The following TADA3 variants were observed in gnomAD, a reference collection of about 807,000 sequenced individuals.
TADA3 encodes transcriptional adapter 3.
TADA3 carries 25 observed loss-of-function variants against 43.2 expected under a neutral mutation model. The ratio of observed to expected loss-of-function variants is 0.58; its 90% CI spans 0.42 to 0.81. The LOEUF (loss-of-function observed/expected upper bound fraction) is 0.81, where lower values mean the gene tolerates loss of function less well. Among genes scored for constraint, TADA3 ranks in the 30% least tolerant of loss-of-function variants. The probability of loss-of-function intolerance (pLI) is 0.00; values close to 1 mark genes in which losing one functional copy is unlikely to be tolerated. For missense variants in TADA3, 441 were observed against 567.8 expected (o/e 0.78, Z 2.27); for synonymous variants, 235 against 225.5 (o/e 1.04, Z -0.38).
rs779731675 is a variant in TADA3 at position 9,787,355 on chromosome 3, G to A, written c.565-15C>T. On this transcript the variant is annotated splice_polypyrimidine_tract_variant and intron_variant, in intron 4 of 8. Coordinates refer to ENST00000301964, the MANE Select transcript of TADA3 (RefSeq NM_006354.5). ...AGGGGTGGGATCTGTGGAAAAGATGGCACCCAACCCTGAGTGGGTAAGCAC... is the reference window on the plus strand; with the variant it reads ...AGGGGTGGGATCTGTGGAAAAGATGACACCCAACCCTGAGTGGGTAAGCAC... The A allele has an allele frequency of 2.5e-6, 4 of 1,600,378 alleles. No homozygotes were observed. The highest frequency in any genetic ancestry group is 1.1e-5 in the South Asian group (1 of 89,216).
intron 8 of TADA3, 41 bp downstream of exon 8, chr3:9,783,987 C>G (rs749971106): frequency 1.9e-6 from 3 of 1,583,028 alleles, no homozygotes; most frequent in Non-Finnish European, 1.7e-6. Flanking sequence ...GCCACAGCCT[C>G]CAAGGCCACC....
chr3:9,787,098 G>A lies in TADA3; in HGVS notation c.718C>T (p.Leu240=), dbSNP rs767392208. The A allele has an allele frequency of 4.3e-6, 7 of 1,614,082 alleles. No individual in the cohort carries two copies. In the African/African-American group the frequency reaches 9.3e-5, roughly 22 times the overall value. Residue 240 remains leucine, a synonymous_variant, in exon 6 of 9, where the codon CTG becomes TTG. Transcript: ENST00000301964. ...TGCTGGGCCTCAGACTTCTTCAGCAGGGCATCCACATCTAAGCGGGCACAG... is the reference window on the plus strand; with the variant it reads ...TGCTGGGCCTCAGACTTCTTCAGCAAGGCATCCACATCTAAGCGGGCACAG... ...TELDTKDVDA[L]LKKSEAQHEQ...
At chr3:9,788,800 A>G (rs1489261764) in intron 4 of TADA3, among the ~76,000 whole-genome samples, 1 of 151,190 alleles carries the variant, frequency 6.6e-6, no homozygotes, top group Non-Finnish European at 1.5e-5. Context: ...ACAGCCTCCC[A>G]AAGTGTTGGG....
chr3:9,788,755 GTCTTGAAC>G (rs2078674388), intron 4 of TADA3, among the ~76,000 whole-genome samples: 1 of 151,670 alleles, frequency 6.6e-6, no homozygotes, highest in South Asian at 2.1e-4. Flanking sequence ...GGTCAGGCTG[GTCTTGAAC>G]TCCTGACCTC....
chr3:9,783,216 AAAG>A (rs1443007680), intron 8 of TADA3: 6 of 152,238 alleles, frequency 3.9e-5, no homozygotes, highest in African/African-American at 1.4e-4. Context: ...TTGGGGATAA[AAAG>A]AAAAGAAGCA....
At chr3:9,784,872 A>G (rs549599540) in intron 7 of TADA3, among the ~76,000 whole-genome samples, 48 of 152,134 alleles carry the variant, frequency 3.2e-4, no homozygotes, top group Non-Finnish European at 5.9e-4. Flanking sequence ...CTCAAAAAAA[A>G]AAAAAGAAAA....
Position 9,785,346 on chromosome 3 carries a change from G to A in TADA3, c.890C>T (p.Thr297Ile), listed in dbSNP as rs1559717874. Residue 297 changes from threonine (T) to isoleucine (I), a missense_variant, in exon 7 of 9, where the codon ACC becomes ATC. Coordinates refer to ENST00000301964, the MANE Select transcript of TADA3 (RefSeq NM_006354.5). ...GGGCTTGTTCTGATTGCGAGGGGAG[G>A]TGCTTGCCCCGTCAGCCCCTGATTC... is the stretch of plus-strand genomic sequence containing the variant. The part of the protein sequence containing the change: ...GKESGADGAS[T>I]SPRNQNKPFS... The A allele has an allele frequency of 6.2e-7, 1 of 1,614,038 alleles. No individual in the cohort carries two copies. The highest frequency in any genetic ancestry group is 2.2e-5 in the East Asian group (1 of 44,880).
intron 4 of TADA3, 135 bp downstream of exon 4, chr3:9,789,374 G>A (rs2078686794): frequency 5.3e-6 from 4 of 750,958 alleles, no homozygotes; most frequent in Non-Finnish European, 8.5e-6. Flanking sequence ...GGTGTCTGGA[G>A]GCACTGATGG....
At chr3:9,786,511 T>C (rs1160996947) in intron 6 of TADA3, among the ~76,000 whole-genome samples, 1 of 152,180 alleles carries the variant, frequency 6.6e-6, no homozygotes, top group African/African-American at 2.4e-5. Context: ...ACAGGGCCCC[T>C]GAAGCTAGGG....
intron 6 of TADA3, among the ~76,000 whole-genome samples, chr3:9,785,751 C>T (rs975193634): frequency 3.3e-5 from 5 of 152,200 alleles, no homozygotes; most frequent in Non-Finnish European, 7.3e-5. Context: ...GCTAGCTGTC[C>T]GAATGCCATA....
intron 4 of TADA3, among the ~76,000 whole-genome samples, chr3:9,788,761 A>T (rs1559720427): frequency 6.6e-6 from 1 of 150,672 alleles, no homozygotes. Flanking sequence ...GCTGGTCTTG[A>T]ACTCCTGACC....
intron 8 of TADA3, 47 bp downstream of exon 8, chr3:9,783,981 C>T: frequency 2.5e-6 from 4 of 1,570,852 alleles, no homozygotes; most frequent in Non-Finnish European, 3.5e-6. Flanking sequence ...GCCGTGGCCA[C>T]AGCCTCCAAG....
At chr3:9,790,566 C>G (rs2078704698) in intron 2 of TADA3, among the ~76,000 whole-genome samples, 1 of 152,220 alleles carries the variant, frequency 6.6e-6, no homozygotes, top group African/African-American at 2.4e-5. Context: ...CCTTAACCAT[C>G]TCTATTTTGC....
chr3:9,790,283 T>G (rs1193503858), intron 2 of TADA3, among the ~76,000 whole-genome samples: 1 of 152,254 alleles, frequency 6.6e-6, no homozygotes, highest in Non-Finnish European at 1.5e-5. Flanking sequence ...ATGTCACCAC[T>G]ACTGAGATGC....
intron 2 of TADA3, 97 bp from the exon 3 acceptor site, chr3:9,790,060 C>T: frequency 9.2e-6 from 13 of 1,407,960 alleles, no homozygotes; most frequent in Non-Finnish European, 1.1e-5. Context: ...TCTACAGAGG[C>T]TCCTGGGTCT....
In TADA3 at chr3:9,791,421, A is replaced by T; in HGVS notation, c.46T>A (p.Ser16Thr). 1 of 1,613,960 alleles carries T rather than the reference A, an allele frequency of 6.2e-7. No individual in the cohort carries two copies. Among genetic ancestry groups the T allele is most frequent in the South Asian group, 1.1e-5 (1 of 91,078 alleles). The stretch of plus-strand genomic sequence containing the variant: ...GGACAGACCTTCAGGTGATCCACAG[A>T]CTTGAAGTCGTGGAACTGCAAGGGG... Reference protein sequence around the residue: ...DCPLQFHDFKSVDHLKVCPRY... With the variant: ...DCPLQFHDFKTVDHLKVCPRY... Residue 16 changes from serine (S) to threonine (T), a missense_variant, in exon 2 of 9, where the codon TCT (serine) becomes ACT (threonine). Coordinates refer to ENST00000301964, the MANE Select transcript of TADA3 (RefSeq NM_006354.5).
upstream of TADA3, chr3:9,792,531 C>T (rs1187083081): frequency 1.6e-6 from 2 of 1,224,214 alleles, no homozygotes; most frequent in Non-Finnish European, 2.0e-6. Context: ...GAGGGCGAGC[C>T]TACTGGAGTT....
At chr3:9,784,674 G>A (rs528444534) in intron 7 of TADA3, among the ~76,000 whole-genome samples, 35 of 151,886 alleles carry the variant, frequency 2.3e-4, no homozygotes, top group Admixed American at 1.6e-3. Flanking sequence ...AGACCAGCCC[G>A]GCCAAGATGG....
intron 7 of TADA3, among the ~76,000 whole-genome samples, chr3:9,784,673 C>A (rs540996142): frequency 1.9e-3 from 286 of 151,714 alleles, no homozygotes; most frequent in Non-Finnish European, 3.0e-3. Flanking sequence ...AAGACCAGCC[C>A]GGCCAAGATG....
Sources: allele counts gnomAD v4.1 joint callset (sites outside exome capture counted in the v4.1 genomes callset), GRCh38; gene constraint gnomAD v4.1.1; transcripts MANE v1.5; gene names NCBI Gene and HGNC (gene_info 2026-07-23, HGNC 2026-07-21).